The following SVBP variants were observed in gnomAD, a reference collection of about 807,000 sequenced individuals.
SVBP encodes small vasohibin-binding protein.
SVBP carries 9 observed loss-of-function variants against 9.2 expected under a neutral mutation model. The ratio of observed to expected loss-of-function variants is 0.98; its 90% CI spans 0.59 to 1.71. The LOEUF (loss-of-function observed/expected upper bound fraction) is 1.71, where lower values mean the gene tolerates loss of function less well. SVBP is among the 40% of genes most tolerant of loss of function. The probability of loss-of-function intolerance (pLI) is 0.00; values close to 1 mark genes in which losing one functional copy is unlikely to be tolerated. For synonymous variants in SVBP, 27 were observed against 23.9 expected, an observed-to-expected ratio of 1.13 and a Z score of -0.37; for missense variants, 63 against 73.2, an observed-to-expected ratio of 0.86 and a Z score of 0.51.
chr1:42,817,280 G>T lies in SVBP; in HGVS notation c.-127C>A, dbSNP rs1057289049. The T allele has an allele frequency of 8.1e-7, 1 of 1,230,558 alleles. No homozygotes were observed. The highest frequency in any genetic ancestry group is 1.0e-6 in the Non-Finnish European group (1 of 957,076). The allele number at this position is 1,230,558 out of a possible 1,614,324, so 76.2% of individuals were successfully genotyped here. ...TAATCCTCGCCTTCCCCCGACCACT[G>T]GACCCAGCGCTGCCTGCCCACCGCC... On this transcript the variant is annotated 5_prime_UTR_variant, in exon 1 of 3. Coordinates refer to ENST00000372521, the MANE Select transcript of SVBP (RefSeq NM_199342.4).
At chr1:42,816,199 T>C (rs1654202066) in intron 2 of SVBP, 1 of 469,962 alleles carries the variant, frequency 2.1e-6, no homozygotes, top group Admixed American at 4.1e-5. Context: ...CTTGGGTCTC[T>C]TACCACAAAA....
In SVBP at chr1:42,807,513, AAG is replaced by A. The variant is rs1232825521; in HGVS notation, c.115-15_115-14del. On this transcript the variant is annotated splice_polypyrimidine_tract_variant and intron_variant, in intron 2 of 2. Coordinates refer to ENST00000372521, the MANE Select transcript of SVBP (RefSeq NM_199342.4). ...TGAGGGCATAGATCTGAATGAGAGAAAGAGATACATCTGTTAGCAATGGAAGC... is the reference window on the plus strand; with the variant it reads ...TGAGGGCATAGATCTGAATGAGAGAAAGATACATCTGTTAGCAATGGAAGC... 2.5e-6 allele frequency: 4 copies of A among 1,600,228 alleles called. No homozygotes were observed. Among genetic ancestry groups the A allele is most frequent in the Non-Finnish European group, 3.4e-6 (4 of 1,167,740 alleles).
chr1:42,815,060 C>G (rs1284877040), intron 2 of SVBP, among the ~76,000 whole-genome samples: 1 of 152,022 alleles, frequency 6.6e-6, no homozygotes, highest in Non-Finnish European at 1.5e-5. Context: ...GAGTTCATGT[C>G]CTTTGTAGGG....
intron 2 of SVBP, chr1:42,813,267 G>A (rs1467160673): frequency 4.3e-6 from 1 of 230,434 alleles, no homozygotes; most frequent in Non-Finnish European, 9.0e-6. Context: ...TTAGAAAACT[G>A]GAAGAGGGGA....
At chr1:42,807,943 A>G (rs1653994891) in intron 2 of SVBP, among the ~76,000 whole-genome samples, 1 of 151,890 alleles carries the variant, frequency 6.6e-6, no homozygotes, top group African/African-American at 2.4e-5. Flanking sequence ...ATGTAATGGA[A>G]AAGTATAGAG....
intron 2 of SVBP, among the ~76,000 whole-genome samples, chr1:42,808,141 G>GTATATATATA (rs1305299239): frequency 3.5e-3 from 147 of 41,482 alleles, no homozygotes; most frequent in Middle Eastern, 0.015. Context: ...TATAGTGTGT[G>GTATATATATA]TGTGTGTGTA....
intron 2 of SVBP, 40 bp downstream of exon 2, chr1:42,816,389 CCA>C: frequency 1.5e-6 from 2 of 1,352,774 alleles, no homozygotes; most frequent in Non-Finnish European, 2.1e-6. Context: ...AGCATCATCT[CCA>C]GCAGACTACA....
chr1:42,813,878 A>G (rs1654133852), intron 2 of SVBP: 1 of 287,088 alleles, frequency 3.5e-6, no homozygotes, highest in African/African-American at 2.2e-5. Flanking sequence ...TGGGAAGGTA[A>G]AGGACCACAG....
intron 2 of SVBP, among the ~76,000 whole-genome samples, chr1:42,814,572 C>T (rs541170965): frequency 1.1e-4 from 16 of 150,278 alleles, no homozygotes; most frequent in African/African-American, 3.2e-4. Context: ...GCAGAGATCA[C>T]GCCACTGCAC....
chr1:42,809,569 G>A (rs1329347324), intron 2 of SVBP, among the ~76,000 whole-genome samples: 2 of 152,126 alleles, frequency 1.3e-5, no homozygotes, highest in African/African-American at 4.8e-5. Context: ...TGAACTCCGT[G>A]CCAACACATT....
At chr1:42,807,557 T>G (rs759313372) in intron 2 of SVBP, 57 bp from the exon 3 acceptor site, 29 of 1,332,152 alleles carry the variant, frequency 2.2e-5, no homozygotes, top group African/African-American at 1.3e-4. Context: ...ACAAAGCATC[T>G]TCTGACATAA....
intron 2 of SVBP, among the ~76,000 whole-genome samples, chr1:42,814,860 A>C (rs1233249907): frequency 2.0e-5 from 3 of 152,168 alleles, no homozygotes; most frequent in Admixed American, 2.0e-4. Context: ...CAGCCATCCC[A>C]TTACTGGGTA....
intron 2 of SVBP, among the ~76,000 whole-genome samples, chr1:42,810,492 C>G (rs1654062006): frequency 6.6e-6 from 1 of 152,070 alleles, no homozygotes; most frequent in South Asian, 2.1e-4. Context: ...GCTTCATTCA[C>G]TAAGTATTTA....
chr1:42,813,591 T>G, intron 2 of SVBP: 2 of 530,194 alleles, frequency 3.8e-6, no homozygotes, highest in Non-Finnish European at 7.7e-6. Flanking sequence ...AAATTGGGGG[T>G]GCTCTCCACA....
At position 42,807,169 on chromosome 1, in the gene SVBP, T is replaced by TTA. The variant is rs1553147635; in HGVS notation, c.*244_*245insTA. On this transcript the variant is annotated 3_prime_UTR_variant, in exon 3 of 3. Transcript: ENST00000372521. ...TTTGTGTGTGTTTTTTTTTTTTTTT[T>TTA]AAAAAAACCCAAAAAACAAAACCAC... 7.6e-3 allele frequency: 2,048 copies of TTA among 268,634 alleles called. 49 individuals carry two copies. The highest frequency in any genetic ancestry group is 0.053 in the Admixed American group (981 of 18,428). 16.6% of individuals were successfully genotyped at this position (268,634 alleles called of 1,614,324 possible).
At chr1:42,808,079 T>C (rs1653997257) in intron 2 of SVBP, among the ~76,000 whole-genome samples, 1 of 147,804 alleles carries the variant, frequency 6.8e-6, no homozygotes, top group Non-Finnish European at 1.5e-5. Context: ...GGATTTTATC[T>C]GGCAGATTCT....
rs1194497135 is a variant in SVBP, at chr1:42,810,143, CACACACACACAT to C, written c.115-2655_115-2644del. On this transcript the variant is annotated intron_variant, in intron 2 of 2. Coordinates refer to ENST00000372521, the MANE Select transcript of SVBP (RefSeq NM_199342.4). ...ACATACATACACACACACACACACA[CACACACACACAT>C]ATATTTTTTTTGTGAGCAGAGTCTT... 8.1e-3 allele frequency among the ~76,000 whole-genome samples: 1,232 copies of C among 151,634 alleles called. 26 individuals are homozygous for C. Among genetic ancestry groups the C allele is most frequent in the African/African-American group, 0.028 (1,164 of 41,146 alleles).
intron 2 of SVBP, among the ~76,000 whole-genome samples, chr1:42,815,808 A>T (rs1654189449): frequency 6.6e-6 from 1 of 152,224 alleles, no homozygotes; most frequent in African/African-American, 2.4e-5. Context: ...GTATAAAAAA[A>T]AGTAGTTGTC....
At chr1:42,816,271 C>G in intron 2 of SVBP, 160 bp downstream of exon 2, 1 of 549,536 alleles carries the variant, frequency 1.8e-6, no homozygotes, top group South Asian at 2.5e-5. Context: ...TGCCACCTCA[C>G]CATTCTGAAC....
Sources: gnomAD v4.1 joint callset for allele counts (sites outside exome capture counted in the v4.1 genomes callset) on GRCh38, gnomAD v4.1.1 for gene constraint, MANE v1.5 for transcripts, NCBI Gene and HGNC (gene_info 2026-07-23, HGNC 2026-07-21) for gene names.